XRCC3: variants seen among roughly 807,000 people sequenced by gnomAD.
XRCC3 encodes the protein DNA repair protein XRCC3.
XRCC3 carries 34 observed loss-of-function variants against 29.2 expected under a neutral mutation model. The observed-to-expected ratio is 1.16, with a 90% CI of 0.88 to 1.55. XRCC3 has a LOEUF of 1.55. XRCC3 is among the 40% of genes most tolerant of loss of function. The pLI is 0.00. For synonymous variants in XRCC3, 223 were observed against 211.3 expected, an observed-to-expected ratio of 1.06 and a Z score of -0.48; for missense variants, 463 against 467.6, an observed-to-expected ratio of 0.99 and a Z score of 0.09.
chr14:103,705,052 C>T (rs749468166), intron 6 of XRCC3: 8 of 152,208 alleles, frequency 5.3e-5, no homozygotes, highest in East Asian at 1.9e-4. Flanking sequence ...GAATTTCAAA[C>T]GTAAAGAAGA....
Position 103,698,776 on chromosome 14 carries a change from C to CT in XRCC3, c.*21dup. On this transcript the variant is annotated 3_prime_UTR_variant, in exon 10 of 10. Coordinates refer to ENST00000555055, the MANE Select transcript of XRCC3 (RefSeq NM_005432.4). ...GTGTGTCGGGGCTTCTCAGGCAGGGCTGTTGTGCAGCCGCCACCGTGTCAG... is the reference window on the plus strand; with the variant it reads ...GTGTGTCGGGGCTTCTCAGGCAGGGCTTGTTGTGCAGCCGCCACCGTGTCAG... 1 of 1,572,388 alleles carries CT rather than the reference C, an allele frequency of 6.4e-7. No homozygotes were observed. Among genetic ancestry groups the CT allele is most frequent in the Non-Finnish European group, 8.6e-7 (1 of 1,159,828 alleles).
intron 6 of XRCC3, 176 bp downstream of exon 6, chr14:103,706,827 C>T: frequency 1.3e-6 from 1 of 788,272 alleles, no homozygotes; most frequent in Non-Finnish European, 2.1e-6. Context: ...TGAGCCCAGC[C>T]TCACTTCCCC....
intron 5 of XRCC3, chr14:103,707,464 A>G (rs552802332): frequency 5.2e-6 from 3 of 577,002 alleles, no homozygotes; most frequent in Middle Eastern, 4.5e-4. Context: ...GGATCCCCCT[A>G]TGGGGCAATT....
intron 4 of XRCC3, chr14:103,708,929 G>A (rs1277363106): frequency 4.3e-6 from 2 of 460,294 alleles, no homozygotes; most frequent in Admixed American, 3.1e-5. Context: ...GCAGAAGCCA[G>A]AAGACAGGGC....
intron 7 of XRCC3, chr14:103,700,786 C>T: frequency 1.5e-6 from 2 of 1,362,672 alleles, no homozygotes; most frequent in South Asian, 1.3e-5. Flanking sequence ...AGGGACTTTG[C>T]ACATGCAGGG....
At chr14:103,708,477 T>C (rs973733874) in intron 5 of XRCC3, 45 bp downstream of exon 5, 8 of 1,611,532 alleles carry the variant, frequency 5.0e-6, no homozygotes, top group African/African-American at 1.3e-5. Context: ...ACCATGATGC[T>C]GGAGCCACAT....
intron 4 of XRCC3, chr14:103,710,742 C>CAAA: frequency 2.0e-4 from 62 of 309,494 alleles, no homozygotes; most frequent in South Asian, 3.7e-4. Flanking sequence ...ACCCCGTCTC[C>CAAA]AAAAAAAAAA....
At chr14:103,707,520 C>T (rs3212053) in intron 5 of XRCC3, 16 of 491,848 alleles carry the variant, frequency 3.3e-5, no homozygotes, top group East Asian at 2.6e-4. Flanking sequence ...AGCCCCGAGG[C>T]GCTCCCTAAC....
chr14:103,708,935 AGGGCTGG>A, intron 4 of XRCC3: 1 of 437,342 alleles, frequency 2.3e-6, no homozygotes, highest in South Asian at 2.0e-5. Context: ...GCCAGAAGAC[AGGGCTGG>A]GCAGGTCCCG....
At chr14:103,710,867 C>CACACACAG in intron 4 of XRCC3, 166 bp downstream of exon 4, 1 of 666,816 alleles carries the variant, frequency 1.5e-6, no homozygotes, top group South Asian at 1.8e-5. Flanking sequence ...CACACACACA[C>CACACACAG]ACACACACAC....
chr14:103,713,799 T>C (rs2083711768), intron 1 of XRCC3: 1 of 152,266 alleles, frequency 6.6e-6, no homozygotes, highest in Non-Finnish European at 1.5e-5. Context: ...ATGTGAGGAC[T>C]TGAGTGAACT....
At chr14:103,712,062 C>G in intron 2 of XRCC3, 1 of 309,986 alleles carries the variant, frequency 3.2e-6, no homozygotes, top group South Asian at 2.8e-5. Context: ...TGGACACGAT[C>G]ACGCTGGTCA....
chr14:103,699,609 C>A, intron 7 of XRCC3, 33 bp from the exon 8 acceptor site: 2 of 1,609,510 alleles, frequency 1.2e-6, no homozygotes, highest in South Asian at 1.1e-5. Flanking sequence ...CTATGCTGGT[C>A]AGCAAGTCCC....
At chr14:103,699,326 A>G (rs547011404) in intron 8 of XRCC3, 38 bp downstream of exon 8, 37 of 1,564,212 alleles carry the variant, frequency 2.4e-5, no homozygotes, top group Non-Finnish European at 3.1e-5. Flanking sequence ...CTGGCTAAAA[A>G]TACGAGCTCA....
rs569064462 is a variant in XRCC3, at chr14:103,698,432, C to T, written c.*366G>A. The T allele has an allele frequency of 1.1e-3, 360 of 335,210 alleles. 1 individual carries two copies. Among genetic ancestry groups the T allele is most frequent in the African/African-American group, 7.2e-3 (336 of 46,824 alleles). 20.8% of individuals were successfully genotyped at this position (335,210 alleles called of 1,614,324 possible). A position where few individuals can be genotyped will look rare whatever the true frequency, so the allele number is the denominator to read the frequency against. On this transcript the variant is annotated 3_prime_UTR_variant, in exon 10 of 10. Coordinates refer to ENST00000555055, the MANE Select transcript of XRCC3 (RefSeq NM_005432.4). ...CCCAGCCCAGGGGGCAGGCCTCAGACGCAACCCCAGTTGGGCTTCCATGTG... is the reference window on the plus strand; with the variant it reads ...CCCAGCCCAGGGGGCAGGCCTCAGATGCAACCCCAGTTGGGCTTCCATGTG...
chr14:103,703,145 G>T, intron 7 of XRCC3, 28 bp downstream of exon 7: 2 of 1,557,482 alleles, frequency 1.3e-6, no homozygotes, highest in South Asian at 1.2e-5. Context: ...TTGCCTTGGG[G>T]GTGTCATGGG....
intron 4 of XRCC3, 88 bp from the exon 5 acceptor site, chr14:103,708,747 C>G: frequency 6.4e-7 from 1 of 1,558,492 alleles, no homozygotes; most frequent in South Asian, 1.1e-5. Context: ...GTTAAGAGCA[C>G]TGTGAGAGCA....
chr14:103,711,997 G>A, intron 2 of XRCC3: 2 of 345,900 alleles, frequency 5.8e-6, no homozygotes, highest in Non-Finnish European at 1.1e-5. Context: ...GGAAAGGGCG[G>A]GCCGTGGACT....
At chr14:103,704,538 C>T (rs953565111) in intron 6 of XRCC3, 2 of 152,214 alleles carry the variant, frequency 1.3e-5, no homozygotes, top group African/African-American at 4.8e-5. Context: ...TTCTGAGTAG[C>T]TGGGATTACA....
Sources: allele counts gnomAD v4.1 joint callset, GRCh38; gene constraint gnomAD v4.1.1; transcripts MANE v1.5; gene names NCBI Gene and HGNC (gene_info 2026-07-23, HGNC 2026-07-21).